The following LGR4 variants were observed in gnomAD, a reference collection of about 807,000 sequenced individuals.
The protein encoded by LGR4 is leucine rich repeat containing G protein-coupled receptor 4.
LGR4 carries 44 observed loss-of-function variants against 84.8 expected under a neutral mutation model. The observed-to-expected ratio is 0.52, with a 90% CI of 0.41 to 0.67. The LOEUF (loss-of-function observed/expected upper bound fraction) is 0.67. LGR4 is among the 30% of genes least tolerant of loss of function. The probability of loss-of-function intolerance (pLI) is 0.00; values close to 1 mark genes in which losing one functional copy is unlikely to be tolerated. For synonymous variants in LGR4, 429 were observed against 434.3 expected (o/e 0.99, Z 0.15); for missense variants, 1,032 against 1,131.4 (o/e 0.91, Z 1.26).
At chr11:27,400,021 A>T (rs980513795) in intron 2 of LGR4, among the ~76,000 whole-genome samples, 5 of 152,124 alleles carry the variant, frequency 3.3e-5, no homozygotes, top group African/African-American at 1.2e-4. Context: ...AGTACTTCTC[A>T]TTTTCGTCAT....
chr11:27,449,162 G>A (rs553066701), intron 1 of LGR4, among the ~76,000 whole-genome samples: 106 of 152,264 alleles, frequency 7.0e-4, no homozygotes, highest in African/African-American at 2.4e-3. Flanking sequence ...ATCAGCTGCT[G>A]TAAAATAATA....
intron 2 of LGR4, among the ~76,000 whole-genome samples, chr11:27,411,993 A>C (rs1206590497): frequency 6.6e-6 from 1 of 152,036 alleles, no homozygotes; most frequent in Non-Finnish European, 1.5e-5. Flanking sequence ...TCCTACCTCT[A>C]TATATTATAT....
chr11:27,400,606 G>T (rs1409896915), intron 2 of LGR4, among the ~76,000 whole-genome samples: 1 of 151,554 alleles, frequency 6.6e-6, no homozygotes, highest in Non-Finnish European at 1.5e-5. Flanking sequence ...AGGTTCAAGC[G>T]ATTCCCTTGC....
In LGR4 at chr11:27,366,226, C is replaced by T. The variant is rs1295220508; in HGVS notation, c.*1641G>A. 6.6e-6 allele frequency: 1 copy of T among 152,478 alleles called. No individual in the cohort carries two copies. Among genetic ancestry groups the T allele is most frequent in the Non-Finnish European group, 1.5e-5 (1 of 67,942 alleles). 9.4% of individuals were successfully genotyped at this position (152,478 alleles called of 1,614,324 possible). Reference sequence around the variant, plus strand: ...AATAGTTGGCCTTACAAAATTACAACACACTGTAAATAAATCCTTCCCACA... The same window carrying T: ...AATAGTTGGCCTTACAAAATTACAATACACTGTAAATAAATCCTTCCCACA... On this transcript the variant is annotated 3_prime_UTR_variant, in exon 18 of 18. Coordinates refer to ENST00000379214, the MANE Select transcript of LGR4 (RefSeq NM_018490.5).
chr11:27,373,789 G>A (rs896700997), intron 14 of LGR4, 113 bp from the exon 15 acceptor site: 16 of 1,121,908 alleles, frequency 1.4e-5, no homozygotes, highest in Non-Finnish European at 2.0e-5. Context: ...TTCAAGTGGG[G>A]GTGCTAAAAT....
In LGR4 at chr11:27,378,716, GTTC is replaced by G. The variant is rs755617717; in HGVS notation, c.1021_1023del (p.Glu341del). 6.2e-7 allele frequency: 1 copy of G among 1,611,156 alleles called. No individual in the cohort carries two copies. The highest frequency in any genetic ancestry group is 1.7e-5 in the Admixed American group (1 of 59,820). On this transcript the variant is annotated inframe_deletion, in exon 11 of 18. Transcript: ENST00000379214. Reference sequence around the variant, plus strand: ...ACTTACAAAGTCCTAAGCATCTTTTGTTCTTGACACAAATTATTAGGTATGCTG... The same window carrying G: ...ACTTACAAAGTCCTAAGCATCTTTTGTTGACACAAATTATTAGGTATGCTG...
At chr11:27,380,388 T>G (rs1217817983) in intron 9 of LGR4, 49 bp from the exon 10 acceptor site, 9 of 1,407,126 alleles carry the variant, frequency 6.4e-6, no homozygotes, top group Non-Finnish European at 9.0e-6. Flanking sequence ...TTTTTTCATA[T>G]TTTATGTTTT....
At chr11:27,404,579 T>C (rs1363954734) in intron 2 of LGR4, among the ~76,000 whole-genome samples, 3 of 152,198 alleles carry the variant, frequency 2.0e-5, no homozygotes, top group Non-Finnish European at 4.4e-5. Flanking sequence ...TCTTTTCTTC[T>C]GCTTCCTTTG....
intron 1 of LGR4, among the ~76,000 whole-genome samples, chr11:27,414,685 A>T (rs894632272): frequency 6.6e-6 from 1 of 152,102 alleles, no homozygotes; most frequent in Non-Finnish European, 1.5e-5. Flanking sequence ...TCCCTGGGGG[A>T]AGGGGCGAGG....
At position 27,412,818 on chromosome 11, in the gene LGR4, T is replaced by C. The variant is rs1391589045; in HGVS notation, c.228A>G (p.Ala76=). 4 of 1,602,518 alleles carry C rather than the reference T, an allele frequency of 2.5e-6. No homozygotes were observed. Among genetic ancestry groups the C allele is most frequent in the Admixed American group, 1.7e-5 (1 of 59,914 alleles). ...MNNITQLPED[A]FKNFPFLEEL... is the part of the protein sequence containing the mutation. ...CTTCTAGAAAAGGAAAGTTCTTAAATGCATCTTCTGGCAACTGAGTAATGT... is the reference window on the plus strand; with the variant it reads ...CTTCTAGAAAAGGAAAGTTCTTAAACGCATCTTCTGGCAACTGAGTAATGT... Residue 76 remains alanine (A), a synonymous_variant, in exon 2 of 18, where the codon GCA becomes GCG. Transcript: ENST00000379214.
In LGR4 at chr11:27,392,450, ACTTTGAGTT is replaced by A; in HGVS notation, c.317_325del (p.Glu106_Lys108del). The A allele has an allele frequency of 6.3e-7, 1 of 1,592,062 alleles. No individual in the cohort carries two copies. Among genetic ancestry groups the A allele is most frequent in the Non-Finnish European group, 8.5e-7 (1 of 1,172,440 alleles). On this transcript the variant is annotated inframe_deletion, in exon 3 of 18. Coordinates refer to ENST00000379214, the MANE Select transcript of LGR4 (RefSeq NM_018490.5). ...ACTCTAAAATTGCATTACTTACAGA[ACTTTGAGTT>A]CTTTCAACCCAGACAAGGCCTTTGG...
In LGR4 at chr11:27,472,617, T is replaced by C; in HGVS notation, c.-315A>G. Reference sequence around the variant, plus strand: ...GCCATCGCACCGGTCTCCCTGTCCCTGGCCTCTCAATGCAGCGGCTCTTCA... The same window carrying C: ...GCCATCGCACCGGTCTCCCTGTCCCCGGCCTCTCAATGCAGCGGCTCTTCA... On this transcript the variant is annotated 5_prime_UTR_variant, in exon 1 of 18. Coordinates refer to ENST00000379214, the MANE Select transcript of LGR4 (RefSeq NM_018490.5). 1 of 363,828 alleles carries C rather than the reference T, an allele frequency of 2.7e-6. No individual in the cohort carries two copies. 22.5% of individuals were successfully genotyped at this position (363,828 alleles called of 1,614,324 possible). A position where few individuals can be genotyped will look rare whatever the true frequency, so the allele number is the denominator to read the frequency against.
intron 1 of LGR4, among the ~76,000 whole-genome samples, chr11:27,435,778 G>C (rs1421028962): frequency 1.3e-5 from 2 of 151,960 alleles, no homozygotes; most frequent in South Asian, 4.2e-4. Context: ...ATAAGCAACT[G>C]TGCCCAGCTC....
At chr11:27,406,444 C>G (rs544868572) in intron 2 of LGR4, among the ~76,000 whole-genome samples, 2 of 152,112 alleles carry the variant, frequency 1.3e-5, no homozygotes, top group African/African-American at 4.8e-5. Context: ...TACTTAACCT[C>G]TCTGATGAAA....
chr11:27,466,545 C>A lies in LGR4; in HGVS notation c.185+5573G>T, dbSNP rs559509776. Among the ~76,000 whole-genome samples, 3 of 152,218 alleles carry A rather than the reference C, an allele frequency of 2.0e-5. No individual in the cohort carries two copies. In the South Asian group the frequency reaches 6.2e-4, roughly 32 times the overall value. ...GAGATAGACCTGACAGAGACAGAGG[C>A]CAAGAATATGCCTAAACTTGCCTGG... On this transcript the variant is annotated intron_variant, in intron 1 of 17. Transcript: ENST00000379214.
intron 1 of LGR4, among the ~76,000 whole-genome samples, chr11:27,415,341 T>C (rs1024766342): frequency 1.3e-5 from 2 of 152,126 alleles, no homozygotes; most frequent in Non-Finnish European, 2.9e-5. Context: ...ATTAATTTCC[T>C]CATCAGAAAA....
chr11:27,381,989 A>G (rs1325752415), intron 7 of LGR4, among the ~76,000 whole-genome samples, 199 bp downstream of exon 7: 1 of 152,222 alleles, frequency 6.6e-6, no homozygotes, highest in Non-Finnish European at 1.5e-5. Context: ...TTTTACCAGC[A>G]TCTAACCCTA....
intron 1 of LGR4, among the ~76,000 whole-genome samples, chr11:27,468,673 C>T (rs867209764): frequency 6.7e-6 from 1 of 149,760 alleles, no homozygotes; most frequent in African/African-American, 2.5e-5. Context: ...CCAGTTGCTT[C>T]ACTTTTCAGA....
chr11:27,369,045 T>G lies in LGR4; in HGVS notation c.1678A>C (p.Ile560Leu). ...GTACAAGATGCAAATGTTGTTAAAA[T>G]AACAAGCAGGTTGAAAAATAATGCA... ...LVALFFNLLV[I>L]LTTFASCTSL... The change falls in exon 18 of 18, where the codon ATT (isoleucine) becomes CTT (leucine). Residue 560 changes from isoleucine (I) to leucine (L), a missense_variant. Ile to Leu is a conservative substitution (Grantham distance 5). Transcript: ENST00000379214. 1.2e-6 allele frequency: 2 copies of G among 1,613,812 alleles called. No homozygotes were observed. Among genetic ancestry groups the G allele is most frequent in the Non-Finnish European group, 1.7e-6 (2 of 1,179,934 alleles).
Sources: gnomAD v4.1 joint callset for allele counts (sites outside exome capture counted in the v4.1 genomes callset) on GRCh38, gnomAD v4.1.1 for gene constraint, MANE v1.5 for transcripts, NCBI Gene and HGNC (gene_info 2026-07-23, HGNC 2026-07-21) for gene names.